The following STPG2 variants were observed in gnomAD, a reference collection of about 807,000 sequenced individuals.
The protein encoded by STPG2 is sperm tail PG-rich repeat containing 2, also known as sperm-tail PG-rich repeat-containing protein 2.
Under a neutral mutation model 54.2 loss-of-function variants are expected in STPG2, and 56 were observed. That is an observed-to-expected ratio of 1.03 (90% CI 0.83 to 1.29). The LOEUF is 1.29. Ranked by LOEUF, STPG2 falls within the 50% of genes most tolerant of loss-of-function variation. STPG2 has a pLI of 0.00. For synonymous variants in STPG2, 200 were observed against 181.8 expected (o/e 1.10, Z -0.81); for missense variants, 596 against 544.9 (o/e 1.09, Z -0.93).
chr4:97,942,133 A>C (rs1014444069), intron 8 of STPG2, among the ~76,000 whole-genome samples: 1 of 150,396 alleles, frequency 6.6e-6, no homozygotes, highest in South Asian at 2.1e-4. Context: ...AAATATATAT[A>C]TGTGTGTATA....
At chr4:97,973,215 T>A (rs762017794) in intron 6 of STPG2, among the ~76,000 whole-genome samples, 1 of 152,248 alleles carries the variant, frequency 6.6e-6, no homozygotes, top group South Asian at 2.1e-4. Flanking sequence ...TGGCCTCAGA[T>A]GGAGATGAGG....
chr4:98,041,261 T>G lies in STPG2; in HGVS notation c.613-59943A>C, dbSNP rs560674600. On this transcript the variant is annotated intron_variant, in intron 5 of 10. Coordinates refer to ENST00000295268, the MANE Select transcript of STPG2 (RefSeq NM_174952.3). Reference sequence around the variant, plus strand: ...GGCTCTAGGGTTTTCTACACACAATTTCATATCAGCAACCAGAGATAATTT... The same window carrying G: ...GGCTCTAGGGTTTTCTACACACAATGTCATATCAGCAACCAGAGATAATTT... Among the ~76,000 whole-genome samples the G allele has an allele frequency of 7.9e-5, 12 of 151,830 alleles. No homozygotes were observed. In the South Asian group the frequency reaches 2.5e-3, roughly 31 times the overall value.
chr4:98,128,381 A>G, intron 3 of STPG2, 47 bp downstream of exon 3: 1 of 1,485,796 alleles, frequency 6.7e-7, no homozygotes. Context: ...CCATATGTAA[A>G]TCATAAACAA....
chr4:97,476,724 C>T (rs952993349), intron 4 of STPG2, among the ~76,000 whole-genome samples: 1 of 152,092 alleles, frequency 6.6e-6, no homozygotes, highest in African/African-American at 2.4e-5. Flanking sequence ...GGACAGGTCC[C>T]TGAATTTTGG....
chr4:97,777,130 A>C (rs1487554647), intron 9 of STPG2, among the ~76,000 whole-genome samples: 8 of 152,342 alleles, frequency 5.3e-5, no homozygotes, highest in African/African-American at 1.9e-4. Context: ...CAGGATGGTT[A>C]AAATGCACTT....
intron 10 of STPG2, among the ~76,000 whole-genome samples, chr4:97,628,447 A>C (rs1734189225): frequency 6.6e-6 from 1 of 152,158 alleles, no homozygotes; most frequent in African/African-American, 2.4e-5. Context: ...TATTACCAAA[A>C]CTAAACTGAA....
At chr4:97,850,868 A>G (rs570104472) in intron 8 of STPG2, among the ~76,000 whole-genome samples, 174 of 152,308 alleles carry the variant, frequency 1.1e-3, no homozygotes, top group Non-Finnish European at 1.8e-3. Context: ...GAAAGAATGA[A>G]TGAATACTGG....
chr4:97,579,343 T>C (rs1025445194), intron 10 of STPG2, among the ~76,000 whole-genome samples: 5 of 152,046 alleles, frequency 3.3e-5, no homozygotes, highest in African/African-American at 4.8e-5. Context: ...TTTTGACTAA[T>C]TATCCTATTC....
At chr4:97,785,237 T>C (rs1726788467) in intron 9 of STPG2, among the ~76,000 whole-genome samples, 1 of 152,012 alleles carries the variant, frequency 6.6e-6, no homozygotes, top group Non-Finnish European at 1.5e-5. Context: ...ATTTAAAAAC[T>C]GTTCACCTAG....
chr4:97,914,736 A>T (rs1731809258), intron 8 of STPG2, among the ~76,000 whole-genome samples: 1 of 152,110 alleles, frequency 6.6e-6, no homozygotes, highest in Non-Finnish European at 1.5e-5. Context: ...AGCATCCCAA[A>T]TCCAAAAATC....
chr4:97,801,269 T>C (rs1727387311), intron 9 of STPG2, among the ~76,000 whole-genome samples: 1 of 152,200 alleles, frequency 6.6e-6, no homozygotes, highest in African/African-American at 2.4e-5. Context: ...GTCTTCTGCG[T>C]TGCTCACGCT....
rs188143011 is a variant in STPG2, at chr4:97,495,483, C to T, written c.462+217216G>A. Among the ~76,000 whole-genome samples, 638 of 151,298 alleles carry T rather than the reference C, an allele frequency of 4.2e-3. 3 individuals are homozygous for T. Among genetic ancestry groups the T allele is most frequent in the South Asian group, 0.02 (98 of 4,814 alleles). On this transcript the variant is annotated intron_variant, in intron 4 of 4. Coordinates refer to the STPG2 transcript ENST00000522676. ...AAGCTACTCTTTCTGAATTTGCTTT[C>T]TAGTATCGCATTTAGTGTTCAGATT... is the stretch of plus-strand genomic sequence containing the variant.
intron 10 of STPG2, among the ~76,000 whole-genome samples, chr4:97,629,417 G>C (rs547335819): frequency 1.9e-4 from 29 of 152,124 alleles, no homozygotes; most frequent in African/African-American, 6.3e-4. Context: ...ACGCACTATA[G>C]GACTTCTGAT....
At chr4:97,712,128 T>G (rs535343398) in intron 10 of STPG2, among the ~76,000 whole-genome samples, 1 of 152,298 alleles carries the variant, frequency 6.6e-6, no homozygotes, top group African/African-American at 2.4e-5. Flanking sequence ...CAATAGTTAG[T>G]AGGGTAGGAA....
chr4:97,969,332 C>T (rs559855322), intron 7 of STPG2, among the ~76,000 whole-genome samples: 1 of 152,284 alleles, frequency 6.6e-6, no homozygotes, highest in African/African-American at 2.4e-5. Context: ...TACTTCTGCA[C>T]AGATGTTATG....
chr4:97,968,222 C>T (rs1183049076), intron 7 of STPG2, among the ~76,000 whole-genome samples: 5 of 152,094 alleles, frequency 3.3e-5, no homozygotes, highest in Admixed American at 6.6e-5. Flanking sequence ...TCAGAGAATA[C>T]TATAAACACC....
At chr4:97,502,694 A>T (rs1236271870) in intron 4 of STPG2, among the ~76,000 whole-genome samples, 1 of 152,022 alleles carries the variant, frequency 6.6e-6, no homozygotes, top group Non-Finnish European at 1.5e-5. Flanking sequence ...ATCTAGAAAA[A>T]AAAAATAGAG....
At chr4:97,796,065 A>C (rs532813653) in intron 9 of STPG2, among the ~76,000 whole-genome samples, 33 of 151,922 alleles carry the variant, frequency 2.2e-4, no homozygotes, top group African/African-American at 7.5e-4. Context: ...TTTTCTTGTA[A>C]ATTTGTTTGA....
At chr4:97,779,188 A>G (rs1445108270) in intron 9 of STPG2, among the ~76,000 whole-genome samples, 1 of 152,212 alleles carries the variant, frequency 6.6e-6, no homozygotes, top group Non-Finnish European at 1.5e-5. Context: ...CCTTGAAACA[A>G]GATTAGATGA....
Sources: allele counts gnomAD v4.1 joint callset (sites outside exome capture counted in the v4.1 genomes callset), GRCh38; gene constraint gnomAD v4.1.1; transcripts MANE v1.5; gene names NCBI Gene and HGNC (gene_info 2026-07-23, HGNC 2026-07-21).